Variants in C8orf34 observed in about 807,000 individuals in gnomAD.
C8orf34 encodes the protein uncharacterized protein C8orf34.
In C8orf34, 65 loss-of-function variants were observed where a neutral mutation model predicts 68.3. The observed-to-expected ratio is 0.95, with a 90% CI of 0.78 to 1.17. The LOEUF (loss-of-function observed/expected upper bound fraction) is 1.17. C8orf34 is among the 50% of genes most tolerant of loss of function. C8orf34 has a pLI of 0.00. For synonymous variants in C8orf34, 244 were observed against 241.2 expected, an observed-to-expected ratio of 1.01 and a Z score of -0.11; for missense variants, 664 against 655.4, an observed-to-expected ratio of 1.01 and a Z score of -0.14.
At chr8:68,569,251 G>T (rs971810743) in intron 7 of C8orf34, among the ~76,000 whole-genome samples, 3 of 152,344 alleles carry the variant, frequency 2.0e-5, no homozygotes, top group Admixed American at 1.3e-4. Context: ...ACAGAATAAA[G>T]GATTTATTAT....
chr8:68,577,173 A>G (rs1199564627), intron 7 of C8orf34, among the ~76,000 whole-genome samples: 1 of 151,958 alleles, frequency 6.6e-6, no homozygotes, highest in Non-Finnish European at 1.5e-5. Flanking sequence ...AGGCGCAGGT[A>G]TTGCTAATTG....
At chr8:68,661,857 G>T (rs1454906011) in intron 8 of C8orf34, among the ~76,000 whole-genome samples, 5 of 152,036 alleles carry the variant, frequency 3.3e-5, no homozygotes, top group African/African-American at 1.2e-4. Flanking sequence ...TCAATGTGAA[G>T]GGCTCAGGAC....
intron 8 of C8orf34, among the ~76,000 whole-genome samples, chr8:68,692,085 C>T (rs1030270341): frequency 5.3e-5 from 8 of 151,868 alleles, no homozygotes; most frequent in Non-Finnish European, 1.0e-4. Context: ...TATGAGAAAG[C>T]CCGGGGATGA....
intron 12 of C8orf34, among the ~76,000 whole-genome samples, chr8:68,793,658 C>G (rs553856839): frequency 6.6e-6 from 1 of 152,226 alleles, no homozygotes; most frequent in South Asian, 2.1e-4. Flanking sequence ...TGGGGCCTGT[C>G]TGAAGTAGGG....
At chr8:68,804,590 G>T (rs531875245) in intron 12 of C8orf34, among the ~76,000 whole-genome samples, 1 of 151,996 alleles carries the variant, frequency 6.6e-6, no homozygotes, top group African/African-American at 2.4e-5. Flanking sequence ...AGACCAGCCT[G>T]GGCAACATGG....
chr8:68,383,134 A>G (rs1808113590), intron 1 of C8orf34, among the ~76,000 whole-genome samples: 2 of 152,198 alleles, frequency 1.3e-5, no homozygotes, highest in Admixed American at 1.3e-4. Context: ...CCGTCATCCT[A>G]GGTCCAGCAC....
chr8:68,371,540 TCTGA>T (rs1807562253), intron 1 of C8orf34, among the ~76,000 whole-genome samples: 2 of 152,062 alleles, frequency 1.3e-5, no homozygotes, highest in African/African-American at 4.8e-5. Context: ...TTTGTAATTC[TCTGA>T]CTATGACTTG....
intron 5 of C8orf34, among the ~76,000 whole-genome samples, chr8:68,497,893 ATGT>A (rs1350265838): frequency 6.6e-6 from 1 of 152,032 alleles, no homozygotes; most frequent in Non-Finnish European, 1.5e-5. Context: ...GAATGGTGCG[ATGT>A]TGGATCACCG....
At position 68,624,029 on chromosome 8, in the gene C8orf34, T is replaced by C. The variant is rs535889893; in HGVS notation, c.1106-16347T>C. 1.3e-3 allele frequency among the ~76,000 whole-genome samples: 194 copies of C among 152,078 alleles called. 2 individuals carry two copies. Among genetic ancestry groups the C allele is most frequent in the African/African-American group, 4.6e-3 (189 of 41,490 alleles). ...AGCTCACACCTGTAATCCCAGCACTTTGGGAGGCTGAGGCAGGTGGATCAC... is the reference window on the plus strand; with the variant it reads ...AGCTCACACCTGTAATCCCAGCACTCTGGGAGGCTGAGGCAGGTGGATCAC... On this transcript the variant is annotated intron_variant, in intron 7 of 13. Coordinates refer to ENST00000518698, the MANE Select transcript of C8orf34 (RefSeq NM_052958.4).
intron 4 of C8orf34, among the ~76,000 whole-genome samples, chr8:68,476,730 A>G (rs1812635726): frequency 6.6e-6 from 1 of 152,178 alleles, no homozygotes; most frequent in Non-Finnish European, 1.5e-5. Flanking sequence ...GCAAAGATAT[A>G]TGTAACATAT....
intron 12 of C8orf34, among the ~76,000 whole-genome samples, chr8:68,804,834 C>A (rs527517917): frequency 6.6e-6 from 1 of 152,002 alleles, no homozygotes; most frequent in African/African-American, 2.4e-5. Flanking sequence ...AAAAGACAAG[C>A]TAGATTAAGA....
At chr8:68,775,197 G>C (rs149437776) in intron 10 of C8orf34, among the ~76,000 whole-genome samples, 2 of 151,896 alleles carry the variant, frequency 1.3e-5, no homozygotes, top group Admixed American at 1.3e-4. Flanking sequence ...TTAAATTGGC[G>C]TGAGGTTGTC....
At chr8:68,812,576 T>C (rs887997015) in intron 12 of C8orf34, among the ~76,000 whole-genome samples, 1 of 152,146 alleles carries the variant, frequency 6.6e-6, no homozygotes, top group African/African-American at 2.4e-5. Context: ...GGCTTTATAG[T>C]TTATACATCA....
chr8:68,527,495 C>A (rs1815058041), intron 6 of C8orf34, among the ~76,000 whole-genome samples: 1 of 152,104 alleles, frequency 6.6e-6, no homozygotes, highest in African/African-American at 2.4e-5. Flanking sequence ...TGGCGTGAAC[C>A]CGGGAGGTGG....
chr8:68,688,562 T>C (rs1286279930), intron 8 of C8orf34, among the ~76,000 whole-genome samples: 1 of 152,100 alleles, frequency 6.6e-6, no homozygotes, highest in African/African-American at 2.4e-5. Flanking sequence ...CAATTTACAA[T>C]TGCAAAGACA....
intron 7 of C8orf34, among the ~76,000 whole-genome samples, chr8:68,629,897 T>A (rs1015217779): frequency 1.3e-5 from 2 of 151,976 alleles, no homozygotes; most frequent in African/African-American, 4.8e-5. Flanking sequence ...TGATAAGGGC[T>A]TTAGAAAGAA....
chr8:68,554,104 A>G (rs1358865158), intron 7 of C8orf34, among the ~76,000 whole-genome samples: 1 of 152,190 alleles, frequency 6.6e-6, no homozygotes, highest in South Asian at 2.1e-4. Context: ...CTACAGGTTT[A>G]TCATCTGAAA....
rs531322960 is a variant in C8orf34 at position 68,751,815 on chromosome 8, G to A, written c.1405-24584G>A. Among the ~76,000 whole-genome samples the A allele has an allele frequency of 2.2e-3, 326 of 151,424 alleles. 3 individuals are homozygous for A. The highest frequency in any genetic ancestry group is 7.4e-3 in the African/African-American group (307 of 41,442). ...AGAAATATATGAATTATTTTATTAT[G>A]ACGTTTGGGAAATTAATAGTAAAAT... On this transcript the variant is annotated intron_variant, in intron 10 of 13. Transcript: ENST00000518698.
chr8:68,678,435 G>A (rs1228611917), intron 8 of C8orf34, among the ~76,000 whole-genome samples: 1 of 152,122 alleles, frequency 6.6e-6, no homozygotes, highest in Admixed American at 6.6e-5. Context: ...TTCAATATAT[G>A]CAAATGAATC....
Sources: allele counts gnomAD v4.1 joint callset (sites outside exome capture counted in the v4.1 genomes callset), GRCh38; gene constraint gnomAD v4.1.1; transcripts MANE v1.5; gene names NCBI Gene and HGNC (gene_info 2026-07-23, HGNC 2026-07-21).